Variants in SLC4A4 observed in about 807,000 individuals in gnomAD.
The protein encoded by SLC4A4 is solute carrier family 4 member 4, also known as electrogenic sodium bicarbonate cotransporter 1.
A neutral mutation model predicts 111.5 loss-of-function variants in SLC4A4; 27 were observed. The observed-to-expected ratio is 0.24, with a 90% CI of 0.18 to 0.33. The LOEUF (loss-of-function observed/expected upper bound fraction) is 0.33, where lower values mean the gene tolerates loss of function less well. SLC4A4 is among the 10% of genes least tolerant of loss of function. SLC4A4 has a pLI of 1.00. For missense variants in SLC4A4, 909 were observed against 1,315.5 expected, an observed-to-expected ratio of 0.69 and a Z score of 4.78; for synonymous variants, 443 against 463.4, an observed-to-expected ratio of 0.96 and a Z score of 0.57.
chr4:71,177,735 C>G (rs974859040), intron 2 of SLC4A4, among the ~76,000 whole-genome samples: 4 of 152,162 alleles, frequency 2.6e-5, no homozygotes, highest in African/African-American at 7.2e-5. Flanking sequence ...TAATGTGAGA[C>G]TTTAACACCC....
intron 2 of SLC4A4, among the ~76,000 whole-genome samples, chr4:71,151,910 A>T (rs1274141776): frequency 6.6e-6 from 1 of 151,816 alleles, no homozygotes; most frequent in Non-Finnish European, 1.5e-5. Flanking sequence ...AAAATACAAA[A>T]ATTTTTATTA....
intron 3 of SLC4A4, among the ~76,000 whole-genome samples, chr4:71,269,164 T>C (rs1239024871): frequency 6.6e-6 from 1 of 152,152 alleles, no homozygotes; most frequent in Non-Finnish European, 1.5e-5. Context: ...GAGCCTTTGA[T>C]AGGGTGCAGT....
At chr4:71,155,947 C>A (rs909315058) in intron 2 of SLC4A4, among the ~76,000 whole-genome samples, 2 of 152,148 alleles carry the variant, frequency 1.3e-5, no homozygotes, top group African/African-American at 4.8e-5. Flanking sequence ...TACGCATAAA[C>A]TTTGCAAGTC....
chr4:71,370,789 A>G (rs1731799198), intron 6 of SLC4A4, among the ~76,000 whole-genome samples: 2 of 152,212 alleles, frequency 1.3e-5, no homozygotes, highest in Non-Finnish European at 2.9e-5. Context: ...ACATCCAGAC[A>G]TTGAAGTATT....
intron 3 of SLC4A4, among the ~76,000 whole-genome samples, chr4:71,325,085 A>G (rs959245703): frequency 5.3e-5 from 8 of 151,928 alleles, no homozygotes; most frequent in African/African-American, 1.9e-4. Flanking sequence ...TTTCTTAGCT[A>G]ATTTGAAAGA....
At chr4:71,398,801 T>A (rs1367515724) in intron 7 of SLC4A4, among the ~76,000 whole-genome samples, 1 of 152,202 alleles carries the variant, frequency 6.6e-6, no homozygotes, top group Non-Finnish European at 1.5e-5. Flanking sequence ...ATAACTCACC[T>A]CAGAAAATCA....
chr4:71,536,177 G>A (rs756511647), intron 18 of SLC4A4, among the ~76,000 whole-genome samples: 2 of 151,612 alleles, frequency 1.3e-5, no homozygotes, highest in African/African-American at 2.4e-5. Flanking sequence ...CCATTAAATG[G>A]TTATATCTGC....
intron 12 of SLC4A4, among the ~76,000 whole-genome samples, chr4:71,459,816 C>A (rs1362407059): frequency 1.3e-5 from 2 of 152,004 alleles, no homozygotes; most frequent in African/African-American, 2.4e-5. Context: ...TTGCTTATAC[C>A]CTTGTAAAAA....
intron 16 of SLC4A4, among the ~76,000 whole-genome samples, chr4:71,499,878 C>T (rs1258035637): frequency 6.6e-6 from 1 of 152,130 alleles, no homozygotes; most frequent in African/African-American, 2.4e-5. Context: ...AATAATGCTA[C>T]AAAGAACATG....
At chr4:71,382,707 T>A (rs998766259) in intron 6 of SLC4A4, among the ~76,000 whole-genome samples, 1 of 152,074 alleles carries the variant, frequency 6.6e-6, no homozygotes, top group African/African-American at 2.4e-5. Flanking sequence ...GGATGAGAAG[T>A]TGGTTAGATG....
chr4:71,564,706 A>G (rs911792087), intron 24 of SLC4A4, among the ~76,000 whole-genome samples: 1 of 151,942 alleles, frequency 6.6e-6, no homozygotes, highest in Non-Finnish European at 1.5e-5. Context: ...ACAGAAAAAG[A>G]CAGTTAAGAC....
At chr4:71,217,952 A>G (rs1398191417) in intron 1 of SLC4A4, among the ~76,000 whole-genome samples, 1 of 152,198 alleles carries the variant, frequency 6.6e-6, no homozygotes, top group Admixed American at 6.5e-5. Context: ...GGGACTGTGA[A>G]AGTTAAAACA....
intron 18 of SLC4A4, among the ~76,000 whole-genome samples, chr4:71,536,486 A>ATATATATATATATATG (rs199681803): frequency 1.4e-3 from 97 of 67,912 alleles, no homozygotes; most frequent in Non-Finnish European, 2.5e-3. Context: ...ATATATATAT[A>ATATATATATATATATG]TGTATATATT....
chr4:71,340,250 A>G (rs961017580), intron 4 of SLC4A4, among the ~76,000 whole-genome samples: 3 of 151,922 alleles, frequency 2.0e-5, no homozygotes, highest in Non-Finnish European at 4.4e-5. Context: ...TAAAAAAGAG[A>G]TTATTAAAAC....
At chr4:71,097,212 T>G (rs1257862806) in intron 2 of SLC4A4, among the ~76,000 whole-genome samples, 2 of 152,168 alleles carry the variant, frequency 1.3e-5, no homozygotes, top group African/African-American at 4.8e-5. Context: ...GTCTGTTGTT[T>G]CCCTCTTTGT....
rs3039073 is a variant in SLC4A4 at position 71,317,075 on chromosome 4, C to CGT, written c.254-22264_254-22263dup. ...GCTGTAACAGGGTTGTGTGTGTGTG[C>CGT]GTGTGTGTGTGTGTGTGTGTGTGTG... On this transcript the variant is annotated intron_variant, in intron 3 of 25. Transcript: ENST00000264485. Among the ~76,000 whole-genome samples the CGT allele has an allele frequency of 8.5e-3, 1,257 of 147,592 alleles. 19 individuals carry two copies. Among genetic ancestry groups the CGT allele is most frequent in the African/African-American group, 0.027 (1,097 of 39,926 alleles).
chr4:71,229,241 T>C (rs1260324103), intron 1 of SLC4A4, among the ~76,000 whole-genome samples: 7 of 152,228 alleles, frequency 4.6e-5, no homozygotes, highest in Non-Finnish European at 8.8e-5. Context: ...CAATAGTTTG[T>C]TCATTTTTCT....
intron 4 of SLC4A4, among the ~76,000 whole-genome samples, chr4:71,341,665 T>G (rs748834502): frequency 2.2e-4 from 33 of 152,184 alleles, no homozygotes; most frequent in Non-Finnish European, 3.5e-4. Flanking sequence ...TTACTTAGGC[T>G]TATGCTTTGT....
At chr4:71,338,769 A>G (rs1728637436) in intron 3 of SLC4A4, among the ~76,000 whole-genome samples, 1 of 150,934 alleles carries the variant, frequency 6.6e-6, no homozygotes, top group South Asian at 2.1e-4. Flanking sequence ...TTTCAAGTGC[A>G]TTGAAGTGTG....
Sources: allele counts gnomAD v4.1 joint callset (sites outside exome capture counted in the v4.1 genomes callset), GRCh38; gene constraint gnomAD v4.1.1; transcripts MANE v1.5; gene names NCBI Gene and HGNC (gene_info 2026-07-23, HGNC 2026-07-21).